The following TENM2 variants were observed in gnomAD, a reference collection of about 807,000 sequenced individuals.
The protein encoded by TENM2 is teneurin transmembrane protein 2.
A neutral mutation model predicts 245.2 loss-of-function variants in TENM2; 52 were observed. The ratio of observed to expected loss-of-function variants is 0.21; its 90% CI spans 0.17 to 0.27. The LOEUF (loss-of-function observed/expected upper bound fraction) is 0.27, where lower values mean the gene tolerates loss of function less well. Among genes scored for constraint, TENM2 ranks in the 10% least tolerant of loss-of-function variants. The probability of loss-of-function intolerance (pLI) is 1.00; values close to 1 mark genes in which losing one functional copy is unlikely to be tolerated. For synonymous variants in TENM2, 1,363 were observed against 1,438.9 expected (o/e 0.95, Z 1.19); for missense variants, 3,046 against 3,666.8 (o/e 0.83, Z 4.37).
chr5:167,572,550 A>T (rs1443566693), intron 2 of TENM2, among the ~76,000 whole-genome samples: 1 of 152,174 alleles, frequency 6.6e-6, no homozygotes, highest in African/African-American at 2.4e-5. Context: ...TCTGCTTACC[A>T]TGAAAGGTAA....
intron 1 of TENM2, among the ~76,000 whole-genome samples, chr5:167,350,430 T>A (rs1193348010): frequency 1.3e-5 from 2 of 150,192 alleles, no homozygotes; most frequent in East Asian, 3.9e-4. Context: ...TGTGTGTGTG[T>A]GTGTGTGTGT....
intron 12 of TENM2, among the ~76,000 whole-genome samples, chr5:168,160,199 G>C (rs1461723522): frequency 1.3e-5 from 2 of 152,188 alleles, no homozygotes; most frequent in Admixed American, 6.5e-5. Flanking sequence ...TCTTTTCCTT[G>C]AGAACCTGTG....
intron 2 of TENM2, among the ~76,000 whole-genome samples, chr5:167,776,181 A>ACACACG (rs1554115634): frequency 2.0e-5 from 3 of 151,646 alleles, no homozygotes; most frequent in Non-Finnish European, 4.4e-5. Flanking sequence ...ACACACACAC[A>ACACACG]CACACACACA....
the TENM2 span, among the ~76,000 whole-genome samples, chr5:167,010,856 T>C: frequency 3.3e-5 from 5 of 152,186 alleles, no homozygotes; most frequent in Non-Finnish European, 5.9e-5. Context: ...AATGATACAA[T>C]AGAAGATGAT....
chr5:167,672,983 G>T (rs1443621908), intron 2 of TENM2, among the ~76,000 whole-genome samples: 1 of 150,820 alleles, frequency 6.6e-6, no homozygotes, highest in Non-Finnish European at 1.5e-5. Context: ...AGTTTCTCTG[G>T]AGATACCAGC....
chr5:167,607,656 A>G (rs1396006323), intron 2 of TENM2, among the ~76,000 whole-genome samples: 1 of 152,136 alleles, frequency 6.6e-6, no homozygotes, highest in Non-Finnish European at 1.5e-5. Flanking sequence ...TCTGGCGTGG[A>G]TCCTTATTTC....
chr5:167,278,208 A>G, the TENM2 span, among the ~76,000 whole-genome samples: 7 of 152,016 alleles, frequency 4.6e-5, no homozygotes, highest in Non-Finnish European at 1.0e-4. Context: ...GGAAGTTAAG[A>G]CAGGAAGATC....
chr5:167,987,761 G>A (rs1481982234), intron 4 of TENM2, among the ~76,000 whole-genome samples: 2 of 152,154 alleles, frequency 1.3e-5, no homozygotes, highest in Admixed American at 1.3e-4. Context: ...CTTGAGTGCT[G>A]TGTTAAAAAC....
intron 2 of TENM2, among the ~76,000 whole-genome samples, chr5:167,506,513 G>T (rs540307405): frequency 6.6e-6 from 1 of 152,214 alleles, no homozygotes; most frequent in African/African-American, 2.4e-5. Flanking sequence ...TTATCTTGCT[G>T]TTACAAATAG....
chr5:167,971,351 A>G (rs975470423), intron 4 of TENM2, among the ~76,000 whole-genome samples: 5 of 102,028 alleles, frequency 4.9e-5, no homozygotes, highest in South Asian at 4.6e-4. Flanking sequence ...GATTCTGACC[A>G]CTACATTAGA....
chr5:167,510,119 T>C (rs1769837904), intron 2 of TENM2, among the ~76,000 whole-genome samples: 1 of 152,214 alleles, frequency 6.6e-6, no homozygotes, highest in Non-Finnish European at 1.5e-5. Flanking sequence ...TCAATAAATA[T>C]TCGTTCAATT....
chr5:167,424,327 G>GCA (rs963698361), intron 2 of TENM2, among the ~76,000 whole-genome samples: 2 of 151,840 alleles, frequency 1.3e-5, no homozygotes, highest in African/African-American at 4.8e-5. Context: ...CCCCTATTCT[G>GCA]CACACACACA....
At chr5:168,033,454 T>C (rs1787306442) in intron 5 of TENM2, among the ~76,000 whole-genome samples, 1 of 151,260 alleles carries the variant, frequency 6.6e-6, no homozygotes, top group African/African-American at 2.4e-5. Context: ...TCAAAGGTGA[T>C]TTTTTTTTAA....
At chr5:167,890,724 A>G (rs1163677871) in intron 3 of TENM2, among the ~76,000 whole-genome samples, 2 of 152,118 alleles carry the variant, frequency 1.3e-5, no homozygotes, top group Admixed American at 6.5e-5. Context: ...TGAGATTTGC[A>G]TGGCCTTTGT....
At chr5:167,634,269 G>A (rs180861581) in intron 2 of TENM2, among the ~76,000 whole-genome samples, 39 of 152,280 alleles carry the variant, frequency 2.6e-4, no homozygotes, top group Admixed American at 3.9e-4. Context: ...GCAATCACAA[G>A]CAAGGAATTC....
intron 3 of TENM2, among the ~76,000 whole-genome samples, chr5:167,889,438 G>A (rs1173342402): frequency 4.6e-5 from 7 of 152,142 alleles, no homozygotes; most frequent in Non-Finnish European, 8.8e-5. Flanking sequence ...ATTGGATACC[G>A]TGTTTTCTTC....
intron 5 of TENM2, among the ~76,000 whole-genome samples, chr5:168,046,523 C>T (rs1174316100): frequency 6.6e-6 from 1 of 152,154 alleles, no homozygotes; most frequent in Admixed American, 6.5e-5. Flanking sequence ...CAAGAACCAT[C>T]AGGGATAGGG....
chr5:167,298,885 G>A (rs1355557938), intron 1 of TENM2, among the ~76,000 whole-genome samples: 1 of 152,182 alleles, frequency 6.6e-6, no homozygotes, highest in Non-Finnish European at 1.5e-5. Context: ...AGTTGAGAAC[G>A]GTGAATAGGA....
intron 2 of TENM2, among the ~76,000 whole-genome samples, chr5:167,531,909 C>CT (rs1771533153): frequency 6.6e-6 from 1 of 152,156 alleles, no homozygotes; most frequent in Admixed American, 6.5e-5. Flanking sequence ...AGCACGTTGT[C>CT]TTTTCACAGC....
Sources: allele counts gnomAD v4.1 joint callset (sites outside exome capture counted in the v4.1 genomes callset), GRCh38; gene constraint gnomAD v4.1.1; transcripts MANE v1.5; gene names NCBI Gene and HGNC (gene_info 2026-07-23, HGNC 2026-07-21).